Variants in BPI observed in about 807,000 individuals in gnomAD.
The protein encoded by BPI is bactericidal permeability increasing protein, also known as bactericidal permeability-increasing protein.
A neutral mutation model predicts 57.6 loss-of-function variants in BPI; 48 were observed. The ratio of observed to expected loss-of-function variants is 0.83; its 90% CI spans 0.66 to 1.06. The LOEUF is 1.06. Ranked by LOEUF, BPI falls within the 50% of genes least tolerant of loss-of-function variation. The pLI, the probability that BPI is intolerant of heterozygous loss-of-function variation, is 0.00. For synonymous variants in BPI, 237 were observed against 238.2 expected (o/e 0.99, Z 0.05); for missense variants, 651 against 609.7 (o/e 1.07, Z -0.71).
rs766415626 is a variant in BPI at position 38,337,142 on chromosome 20, C to G, written c.1414-4C>G. 1 of 1,602,920 alleles carries G rather than the reference C, an allele frequency of 6.2e-7. No individual in the cohort carries two copies. Among genetic ancestry groups the G allele is most frequent in the Non-Finnish European group, 8.5e-7 (1 of 1,175,572 alleles). The stretch of plus-strand genomic sequence containing the variant: ...CTGGTGACAACATTCTCATCTCTCC[C>G]TAGAACTTCCTGCTGTTCGGTGCAG... On this transcript the variant is annotated splice_polypyrimidine_tract_variant and splice_region_variant and intron_variant, in intron 14 of 14. Transcript: ENST00000642449.
chr20:38,311,866 A>G lies in BPI; in HGVS notation c.537-8A>G. On this transcript the variant is annotated splice_polypyrimidine_tract_variant and splice_region_variant and intron_variant, in intron 4 of 14. Coordinates refer to ENST00000642449, the MANE Select transcript of BPI (RefSeq NM_001725.3). ...GCCTCATCTATGTCCCTACTTGTTC[A>G]TCTCTAGGTGGCTGATCCAACTCTT... 3.7e-6 allele frequency: 6 copies of G among 1,613,760 alleles called. No homozygotes were observed. The highest frequency in any genetic ancestry group is 5.1e-6 in the Non-Finnish European group (6 of 1,179,796).
chr20:38,335,945 A>G (rs2076765578), intron 14 of BPI, among the ~76,000 whole-genome samples: 1 of 152,202 alleles, frequency 6.6e-6, no homozygotes, highest in African/African-American at 2.4e-5. Flanking sequence ...AATGAAATGC[A>G]TTTGTGGGCC....
At chr20:38,310,905 G>C (rs1600699339) in intron 4 of BPI, among the ~76,000 whole-genome samples, 2 of 152,300 alleles carry the variant, frequency 1.3e-5, no homozygotes, top group African/African-American at 2.4e-5. Flanking sequence ...CTCATACTAA[G>C]CACTTTACAT....
intron 7 of BPI, chr20:38,321,690 C>A (rs2076686455): frequency 6.6e-6 from 1 of 151,626 alleles, no homozygotes; most frequent in Non-Finnish European, 1.5e-5. Context: ...TTAGAAACTG[C>A]AGAGGAATGC....
chr20:38,314,119 GGAA>G (rs1421365436), intron 5 of BPI, among the ~76,000 whole-genome samples: 11 of 127,278 alleles, frequency 8.6e-5, no homozygotes, highest in South Asian at 2.7e-4. Context: ...GTAATGGTGG[GGAA>G]GATGATGATG....
At chr20:38,330,291 T>A (rs139885360) in intron 11 of BPI, among the ~76,000 whole-genome samples, 2,158 of 152,272 alleles carry the variant, frequency 0.014, 19 homozygotes, top group Non-Finnish European at 0.02. Flanking sequence ...GTTAGCTGTG[T>A]GACCTTGGAC....
At chr20:38,322,924 A>G (rs1406383881) in intron 7 of BPI, among the ~76,000 whole-genome samples, 3 of 152,188 alleles carry the variant, frequency 2.0e-5, no homozygotes, top group African/African-American at 7.2e-5. Flanking sequence ...TATTATTATT[A>G]AGAGTTGCAT....
At chr20:38,308,475 T>C (rs538615716) in intron 2 of BPI, among the ~76,000 whole-genome samples, 1 of 152,306 alleles carries the variant, frequency 6.6e-6, no homozygotes, top group South Asian at 2.1e-4. Flanking sequence ...CATTCACAGA[T>C]ATTTTGAGCA....
intron 5 of BPI, among the ~76,000 whole-genome samples, chr20:38,316,256 T>G (rs548476350): frequency 4.6e-5 from 7 of 152,188 alleles, no homozygotes; most frequent in African/African-American, 1.4e-4. Context: ...CCAGGAAAAA[T>G]AACTTGATTG....
chr20:38,306,685 C>G (rs566688941), intron 1 of BPI, among the ~76,000 whole-genome samples: 1 of 152,256 alleles, frequency 6.6e-6, no homozygotes, highest in African/African-American at 2.4e-5. Context: ...CCTGGGGAGA[C>G]AGTCCAAAAC....
intron 7 of BPI, among the ~76,000 whole-genome samples, chr20:38,320,661 T>TACACACACACACACAC (rs369329923): frequency 6.1e-4 from 80 of 130,872 alleles, no homozygotes; most frequent in African/African-American, 2.1e-3. Context: ...TTATTACCAA[T>TACACACACACACACAC]ACACACACAC....
chr20:38,328,807 GGCAACA>G (rs1306879556), intron 11 of BPI, among the ~76,000 whole-genome samples: 1 of 151,438 alleles, frequency 6.6e-6, no homozygotes, highest in Non-Finnish European at 1.5e-5. Context: ...GACTAGCTGG[GGCAACA>G]TAGTGAGACC....
chr20:38,323,274 T>C (rs982240432), intron 7 of BPI, among the ~76,000 whole-genome samples: 8 of 152,206 alleles, frequency 5.3e-5, no homozygotes, highest in African/African-American at 1.9e-4. Context: ...AAGCTCAACA[T>C]TTATTTGCTA....
In BPI at chr20:38,334,465, A is replaced by T; in HGVS notation, c.1308A>T (p.Val436=). ...TGCAGGATATCATGAACTACATTGT[A>T]CCCATTCTTGTGCTGCCCAGGGTTA... The part of the protein sequence containing the change: ...ELLQDIMNYI[V]PILVLPRVNE... The change falls in exon 13 of 15, where the codon GTA becomes GTT. Residue 436 remains valine, a synonymous_variant. Transcript: ENST00000642449. The T allele has an allele frequency of 1.2e-6, 2 of 1,613,940 alleles. No individual in the cohort carries two copies. The highest frequency in any genetic ancestry group is 1.7e-6 in the Non-Finnish European group (2 of 1,179,856).
intron 8 of BPI, 62 bp downstream of exon 8, chr20:38,324,108 C>T: frequency 6.4e-7 from 1 of 1,555,452 alleles, no homozygotes; most frequent in East Asian, 2.3e-5. Context: ...GCAGACCTTC[C>T]AGACAAATCT....
chr20:38,317,694 G>A (rs202004575), intron 5 of BPI: 245 of 866,722 alleles, frequency 2.8e-4, no homozygotes, highest in Middle Eastern at 4.3e-4. Flanking sequence ...CTTGGTGGGG[G>A]TGTGGCAAAG....
At chr20:38,306,148 C>T (rs1049706303) in intron 1 of BPI, among the ~76,000 whole-genome samples, 1 of 152,240 alleles carries the variant, frequency 6.6e-6, no homozygotes, top group Non-Finnish European at 1.5e-5. Flanking sequence ...TCTCCTGCCT[C>T]AACCTCCCAA....
In BPI at chr20:38,307,624, A is replaced by G. The variant is rs572225651; in HGVS notation, c.188A>G (p.Asp63Gly). Residue 63 changes from aspartate to glycine, a missense_variant, in exon 2 of 15, where the codon GAC becomes GGC. Physicochemically the swap from Asp to Gly is moderately conservative, Grantham distance 94. Coordinates refer to ENST00000642449, the MANE Select transcript of BPI (RefSeq NM_001725.3). ...GAGCTGAAGAGGATCAAGATTCCTG[A>G]CTACTCAGACAGCTTTAAGATCAAG... The part of the protein sequence containing the change: ...QKELKRIKIP[D>G]YSDSFKIKHL... The G allele has an allele frequency of 8.1e-6, 13 of 1,612,248 alleles. No individual in the cohort carries two copies. The South Asian group carries it at 1.4e-4, about 18-fold the overall frequency.
intron 5 of BPI, among the ~76,000 whole-genome samples, chr20:38,316,936 G>T (rs1387697649): frequency 6.6e-6 from 1 of 152,164 alleles, no homozygotes; most frequent in African/African-American, 2.4e-5. Context: ...GCCCAGAGAA[G>T]CTCCCACATC....
Sources: gnomAD v4.1 joint callset for allele counts (sites outside exome capture counted in the v4.1 genomes callset) on GRCh38, gnomAD v4.1.1 for gene constraint, MANE v1.5 for transcripts, NCBI Gene and HGNC (gene_info 2026-07-23, HGNC 2026-07-21) for gene names.